MYLK: variants seen among roughly 807,000 people sequenced by gnomAD.
MYLK encodes the protein myosin light chain kinase, smooth muscle.
In MYLK, 106 loss-of-function variants were observed where a neutral mutation model predicts 203.4. The observed-to-expected ratio is 0.52, with a 90% confidence interval of 0.45 to 0.61. The LOEUF is 0.61. Ranked by LOEUF, MYLK falls within the 20% of genes least tolerant of loss-of-function variation. The pLI, the probability that MYLK is intolerant of heterozygous loss-of-function variation, is 0.00. For missense variants in MYLK, 2,072 were observed against 2,442.3 expected (o/e 0.85, Z 3.20); for synonymous variants, 867 against 959.5 (o/e 0.90, Z 1.78).
intron 3 of MYLK, among the ~76,000 whole-genome samples, chr3:123,798,123 C>T (rs2065056730): frequency 6.6e-6 from 1 of 152,186 alleles, no homozygotes; most frequent in African/African-American, 2.4e-5. Flanking sequence ...TCATGCTGGG[C>T]ACCCATCTCA....
chr3:123,834,119 C>T (rs1560276464), intron 2 of MYLK, among the ~76,000 whole-genome samples: 1 of 152,186 alleles, frequency 6.6e-6, no homozygotes, highest in Admixed American at 6.5e-5. Context: ...AATCTCAGCT[C>T]ACTGCAACCT....
intron 4 of MYLK, among the ~76,000 whole-genome samples, chr3:123,774,918 C>T (rs766030375): frequency 6.6e-6 from 1 of 152,186 alleles, no homozygotes; most frequent in Non-Finnish European, 1.5e-5. Context: ...CACCCTTCAC[C>T]GTTACTGTGC....
At chr3:123,657,704 C>T (rs928264882) in intron 23 of MYLK, among the ~76,000 whole-genome samples, 1 of 152,226 alleles carries the variant, frequency 6.6e-6, no homozygotes. Context: ...ATTTCCTGTA[C>T]TTTGCCCAAG....
chr3:123,675,378 A>G (rs1468099693), intron 20 of MYLK, among the ~76,000 whole-genome samples: 1 of 152,184 alleles, frequency 6.6e-6, no homozygotes, highest in Non-Finnish European at 1.5e-5. Context: ...GTCCTGGGGA[A>G]AAAAAAGGAG....
At chr3:123,761,843 T>A (rs1379419700) in intron 4 of MYLK, among the ~76,000 whole-genome samples, 6 of 152,088 alleles carry the variant, frequency 3.9e-5, no homozygotes, top group African/African-American at 2.4e-5. Context: ...CTGGCCAACA[T>A]GGTGAAACCT....
intron 21 of MYLK, 113 bp downstream of exon 21, chr3:123,667,024 T>A (rs2059758775): frequency 1.1e-6 from 1 of 946,386 alleles, no homozygotes; most frequent in Admixed American, 1.7e-5. Flanking sequence ...GGGGTGGGGT[T>A]GCAGTGGGGT....
At chr3:123,874,287 T>C (rs907069376) in intron 2 of MYLK, among the ~76,000 whole-genome samples, 3 of 152,098 alleles carry the variant, frequency 2.0e-5, no homozygotes. Flanking sequence ...GTGGTATTGT[T>C]GAAAGAATAA....
In MYLK at chr3:123,784,376, CTTTTTTTTTT is replaced by C. The variant is rs576849217; in HGVS notation, c.165+9291_165+9300del. Among the ~76,000 whole-genome samples, 9 of 78,662 alleles carry C rather than the reference CTTTTTTTTTT, an allele frequency of 1.1e-4. No individual in the cohort carries two copies. The East Asian group carries it at 2.3e-3, about 20-fold the overall frequency. 51.6% of individuals were successfully genotyped at this position (78,662 alleles called of 152,430 possible). On this transcript the variant is annotated intron_variant, in intron 4 of 33. Transcript: ENST00000360304. ...CAAATACGGCTCATGGGTTGACTTT[CTTTTTTTTTT>C]TTTTTTTTTTTTTTTTTACCTCTGT...
rs1455055209 is a variant in MYLK, at chr3:123,875,130, G to A, written c.-127+1429C>T. ...CCCAATCCTAGATATTTACCCAAGT[G>A]AAATGAAATCTATGTTCACCTAAAA... On this transcript the variant is annotated intron_variant, in intron 2 of 33. Coordinates refer to ENST00000360304, the MANE Select transcript of MYLK (RefSeq NM_053025.4). Among the ~76,000 whole-genome samples the A allele has an allele frequency of 3.9e-5, 6 of 152,110 alleles. No homozygotes were observed. In the East Asian group the frequency reaches 1.2e-3, roughly 29 times the overall value.
chr3:123,674,558 T>C (rs2060013863), intron 20 of MYLK, among the ~76,000 whole-genome samples: 1 of 152,236 alleles, frequency 6.6e-6, no homozygotes. Context: ...CAATACTCAA[T>C]ATCAGTGGTT....
chr3:123,796,596 C>G (rs2064995968), intron 3 of MYLK, among the ~76,000 whole-genome samples: 1 of 152,120 alleles, frequency 6.6e-6, no homozygotes, highest in South Asian at 2.1e-4. Flanking sequence ...AAGAAAGCAG[C>G]CCAACAGATC....
At chr3:123,728,483 G>A (rs1396799095) in intron 11 of MYLK, among the ~76,000 whole-genome samples, 1 of 152,002 alleles carries the variant, frequency 6.6e-6, no homozygotes, top group African/African-American at 2.4e-5. Flanking sequence ...CTCCAGTCTG[G>A]GTGACAGAGC....
At chr3:123,751,868 G>A (rs904001843) in intron 5 of MYLK, among the ~76,000 whole-genome samples, 1 of 152,186 alleles carries the variant, frequency 6.6e-6, no homozygotes, top group Non-Finnish European at 1.5e-5. Context: ...CGTCAGGTGA[G>A]AGGCTGAGGG....
At chr3:123,735,011 C>G in intron 9 of MYLK, 1 of 338,782 alleles carries the variant, frequency 3.0e-6, no homozygotes, top group Non-Finnish European at 5.8e-6. Flanking sequence ...CATCCAGCAT[C>G]TAGCGCCGAG....
chr3:123,784,122 T>TA (rs1468632524), intron 4 of MYLK, among the ~76,000 whole-genome samples: 1 of 152,186 alleles, frequency 6.6e-6, no homozygotes, highest in African/African-American at 2.4e-5. Flanking sequence ...CACTTGTCCT[T>TA]AGTGTTGGGA....
At chr3:123,797,133 A>G (rs2065014857) in intron 3 of MYLK, among the ~76,000 whole-genome samples, 1 of 152,176 alleles carries the variant, frequency 6.6e-6, no homozygotes, top group Non-Finnish European at 1.5e-5. Context: ...AAAAATTATT[A>G]CGGGAAATTT....
intron 22 of MYLK, 79 bp downstream of exon 22, chr3:123,666,140 C>T (rs905228642): frequency 4.3e-5 from 70 of 1,609,400 alleles, no homozygotes; most frequent in Non-Finnish European, 5.5e-5. Flanking sequence ...TCCAGCACGG[C>T]ATTTCTCATC....
rs748806035 is a variant in MYLK at position 123,738,991 on chromosome 3, GT to G, written c.493del (p.Thr165ProfsTer72). ...TTTGACCACAACTCGGCCCAGCTTGGTAGCAAACTTTGGTGGGCACTCCCCC... is the reference window on the plus strand; with the variant it reads ...TTTGACCACAACTCGGCCCAGCTTGGAGCAAACTTTGGTGGGCACTCCCCC... ...IWGECPPKFA[T>X]KLGRVVVKEG... On this transcript the variant is annotated frameshift_variant, in exon 7 of 34. Coordinates refer to ENST00000360304, the MANE Select transcript of MYLK (RefSeq NM_053025.4). LOFTEE classifies it high-confidence loss of function. 1.3e-5 allele frequency: 21 copies of G among 1,613,692 alleles called. No individual in the cohort carries two copies. Among genetic ancestry groups the G allele is most frequent in the Non-Finnish European group, 1.7e-5 (20 of 1,179,936 alleles).
chr3:123,798,391 C>T (rs868078869), intron 3 of MYLK, among the ~76,000 whole-genome samples: 1 of 152,058 alleles, frequency 6.6e-6, no homozygotes, highest in African/African-American at 2.4e-5. Flanking sequence ...GCATGTGCCT[C>T]CCCCTTCTGC....
Sources: allele counts gnomAD v4.1 joint callset (sites outside exome capture counted in the v4.1 genomes callset), GRCh38; gene constraint gnomAD v4.1.1; transcripts MANE v1.5; gene names NCBI Gene and HGNC (gene_info 2026-07-23, HGNC 2026-07-21).